Variants in SAMD12 observed in about 807,000 individuals in gnomAD.
The protein encoded by SAMD12 is sterile alpha motif domain-containing protein 12.
Under a neutral mutation model 15.0 loss-of-function variants are expected in SAMD12, and 9 were observed. That is an observed-to-expected ratio of 0.60 (90% CI 0.36 to 1.05). The LOEUF is 1.05. SAMD12 is among the 50% of genes least tolerant of loss of function. The probability of loss-of-function intolerance (pLI) is 0.01; values close to 1 mark genes in which losing one functional copy is unlikely to be tolerated. For synonymous variants in SAMD12, 86 were observed against 90.1 expected (o/e 0.96, Z 0.25); for missense variants, 230 against 234.2 (o/e 0.98, Z 0.12).
At chr8:118,323,570 T>C (rs752420481) in intron 4 of SAMD12, among the ~76,000 whole-genome samples, 5 of 151,402 alleles carry the variant, frequency 3.3e-5, no homozygotes, top group Admixed American at 6.6e-5. Context: ...GAAATGAGCC[T>C]GGGCAACATA....
At chr8:118,490,304 T>C (rs1824406643) in intron 2 of SAMD12, among the ~76,000 whole-genome samples, 1 of 152,196 alleles carries the variant, frequency 6.6e-6, no homozygotes. Context: ...TAGTGGGTCA[T>C]GTCTATCATT....
chr8:118,240,759 A>ATT (rs11380799), intron 4 of SAMD12, among the ~76,000 whole-genome samples: 2 of 151,904 alleles, frequency 1.3e-5, no homozygotes, highest in African/African-American at 2.4e-5. Context: ...TGCAAAAGGA[A>ATT]TTTTTTTACG....
intron 3 of SAMD12, among the ~76,000 whole-genome samples, chr8:118,416,349 G>A (rs1328035474): frequency 6.6e-6 from 1 of 152,128 alleles, no homozygotes; most frequent in African/African-American, 2.4e-5. Flanking sequence ...TAGGCTAACA[G>A]GCATCAACTC....
At chr8:118,603,782 A>G (rs929262423) in intron 1 of SAMD12, among the ~76,000 whole-genome samples, 1 of 152,190 alleles carries the variant, frequency 6.6e-6, no homozygotes, top group Non-Finnish European at 1.5e-5. Context: ...CGGAACAAAT[A>G]TCAGAATTCT....
intron 4 of SAMD12, among the ~76,000 whole-genome samples, chr8:118,323,376 G>A (rs568729202): frequency 9.9e-4 from 151 of 152,184 alleles, no homozygotes; most frequent in Non-Finnish European, 1.8e-3. Flanking sequence ...TTAATACAGA[G>A]AAAACAAATG....
intron 1 of SAMD12, among the ~76,000 whole-genome samples, chr8:118,604,224 T>A (rs1242445208): frequency 6.6e-6 from 1 of 152,188 alleles, no homozygotes; most frequent in African/African-American, 2.4e-5. Flanking sequence ...TCAGAGAGAA[T>A]GTTTATAAGC....
chr8:118,543,152 G>T (rs139074703), intron 2 of SAMD12, among the ~76,000 whole-genome samples: 1 of 152,158 alleles, frequency 6.6e-6, no homozygotes, highest in Non-Finnish European at 1.5e-5. Context: ...GGAGGAAATC[G>T]ACCCTTGAAA....
intron 4 of SAMD12, among the ~76,000 whole-genome samples, chr8:118,228,610 T>C (rs998184858): frequency 9.8e-5 from 14 of 142,714 alleles, no homozygotes; most frequent in African/African-American, 4.0e-4. Context: ...CTTGCAAGAA[T>C]GGCCATAATC....
At chr8:118,413,990 G>A (rs1331617226) in intron 3 of SAMD12, among the ~76,000 whole-genome samples, 3 of 152,192 alleles carry the variant, frequency 2.0e-5, no homozygotes, top group African/African-American at 7.2e-5. Context: ...GTGTTTATGG[G>A]TAAAAAGGTA....
chr8:118,178,534 T>G, the SAMD12 span, among the ~76,000 whole-genome samples: 1 of 152,112 alleles, frequency 6.6e-6, no homozygotes, highest in African/African-American at 2.4e-5. Flanking sequence ...GCCATAATCT[T>G]GGCTCACTGC....
intron 4 of SAMD12, among the ~76,000 whole-genome samples, chr8:118,212,061 T>TG (rs1355435853): frequency 1.1e-4 from 17 of 150,452 alleles, no homozygotes; most frequent in African/African-American, 3.2e-4. Context: ...TGTTGCAGAT[T>TG]TTGTGTGTGT....
At chr8:118,250,053 TAA>T (rs375720888) in intron 4 of SAMD12, among the ~76,000 whole-genome samples, 59 of 152,206 alleles carry the variant, frequency 3.9e-4, no homozygotes, top group African/African-American at 1.4e-3. Flanking sequence ...TCACTTAGAC[TAA>T]GTTTCTGGCC....
Position 118,379,262 on chromosome 8 carries a change from A to AC in SAMD12, c.*154dup. On this transcript the variant is annotated 3_prime_UTR_variant, in exon 4 of 4. Transcript: ENST00000314727. ...GTGCAATCGTACCCTGATTGATGTGACTGGTATTCTCTGGGGTTGTGCAGT... is the reference window on the plus strand; with the variant it reads ...GTGCAATCGTACCCTGATTGATGTGACCTGGTATTCTCTGGGGTTGTGCAGT... 1 of 1,434,406 alleles carries AC rather than the reference A, an allele frequency of 7.0e-7. No homozygotes were observed. The highest frequency in any genetic ancestry group is 1.5e-5 in the South Asian group (1 of 67,222). 88.9% of individuals were successfully genotyped at this position (1,434,406 alleles called of 1,614,324 possible). A position where few individuals can be genotyped will look rare whatever the true frequency, so the allele number is the denominator to read the frequency against.
intron 1 of SAMD12, among the ~76,000 whole-genome samples, chr8:118,616,946 T>C (rs1586860468): frequency 6.6e-6 from 1 of 152,144 alleles, no homozygotes; most frequent in African/African-American, 2.4e-5. Flanking sequence ...TGCCTGATGA[T>C]CTGAGGTGGA....
chr8:118,263,998 C>T (rs537176010), intron 4 of SAMD12, among the ~76,000 whole-genome samples: 1 of 152,214 alleles, frequency 6.6e-6, no homozygotes, highest in African/African-American at 2.4e-5. Context: ...TAGTTGTATT[C>T]CATTGCAATT....
chr8:118,598,790 T>C (rs766901184), intron 1 of SAMD12, among the ~76,000 whole-genome samples: 1 of 152,258 alleles, frequency 6.6e-6, no homozygotes, highest in East Asian at 1.9e-4. Flanking sequence ...ATCCAGTCAA[T>C]AGTAGTCTTG....
intron 2 of SAMD12, among the ~76,000 whole-genome samples, chr8:118,562,886 C>T (rs543228480): frequency 5.3e-5 from 8 of 152,150 alleles, no homozygotes; most frequent in East Asian, 1.9e-4. Flanking sequence ...GGAGAGAAGT[C>T]AGGCCTGGAG....
At chr8:118,132,998 A>G in the SAMD12 span, among the ~76,000 whole-genome samples, 2,071 of 98,698 alleles carry the variant, frequency 0.021, 201 homozygotes, top group African/African-American at 0.069. Context: ...ATATATATAT[A>G]TATATATATA....
At chr8:118,132,480 T>C in the SAMD12 span, among the ~76,000 whole-genome samples, 21 of 152,196 alleles carry the variant, frequency 1.4e-4, no homozygotes, top group Non-Finnish European at 3.1e-4. Context: ...AATTCAAGTT[T>C]CCAGAGCATT....
Sources: gnomAD v4.1 joint callset for allele counts (sites outside exome capture counted in the v4.1 genomes callset) on GRCh38, gnomAD v4.1.1 for gene constraint, MANE v1.5 for transcripts, NCBI Gene and HGNC (gene_info 2026-07-23, HGNC 2026-07-21) for gene names.